The following TTLL5 variants were observed in gnomAD, a reference collection of about 807,000 sequenced individuals.
The protein encoded by TTLL5 is tubulin tyrosine ligase like 5.
In TTLL5, 132 loss-of-function variants were observed where a neutral mutation model predicts 168.4. The observed-to-expected ratio is 0.78, with a 90% CI of 0.68 to 0.91. The LOEUF (loss-of-function observed/expected upper bound fraction) is 0.91, where lower values mean the gene tolerates loss of function less well. TTLL5 is among the 40% of genes least tolerant of loss of function. TTLL5 has a pLI of 0.00. For synonymous variants in TTLL5, 546 were observed against 558.6 expected, an observed-to-expected ratio of 0.98 and a Z score of 0.32; for missense variants, 1,545 against 1,581.5, an observed-to-expected ratio of 0.98 and a Z score of 0.39.
At chr14:75,902,708 C>A (rs1475882526) in intron 31 of TTLL5, 1 of 433,348 alleles carries the variant, frequency 2.3e-6, no homozygotes, top group East Asian at 7.0e-5. Flanking sequence ...GGTCTGTGGA[C>A]AGGTTGTTAC....
At chr14:75,786,339 C>T (rs890599193) in intron 26 of TTLL5, among the ~76,000 whole-genome samples, 1 of 152,136 alleles carries the variant, frequency 6.6e-6, no homozygotes, top group African/African-American at 2.4e-5. Context: ...CCCTTTTGAT[C>T]CTTTCCAAGA....
intron 31 of TTLL5, among the ~76,000 whole-genome samples, chr14:75,936,624 A>AAT (rs1220952584): frequency 3.3e-5 from 5 of 152,216 alleles, no homozygotes; most frequent in South Asian, 4.2e-4. Context: ...TTTCTACTTT[A>AAT]ATATATATAT....
chr14:75,712,316 G>GGA (rs1887139948), intron 9 of TTLL5: 1 of 151,574 alleles, frequency 6.6e-6, no homozygotes, highest in African/African-American at 2.4e-5. Context: ...ACCTGTTGAA[G>GGA]GATAACTCAT....
At chr14:75,809,544 T>A (rs1175511499) in intron 27 of TTLL5, among the ~76,000 whole-genome samples, 2 of 152,214 alleles carry the variant, frequency 1.3e-5, no homozygotes, top group African/African-American at 4.8e-5. Flanking sequence ...TATCCGTTGC[T>A]TCAAAGATTT....
chr14:75,760,551 A>G (rs527463707), intron 18 of TTLL5, among the ~76,000 whole-genome samples: 2 of 152,196 alleles, frequency 1.3e-5, no homozygotes, highest in East Asian at 3.9e-4. Flanking sequence ...AAAAAGACTT[A>G]ACGTACTTGA....
At chr14:75,691,640 A>G (rs1885469473) in intron 6 of TTLL5, among the ~76,000 whole-genome samples, 2 of 152,194 alleles carry the variant, frequency 1.3e-5, no homozygotes, top group South Asian at 4.1e-4. Context: ...TGCAATGACC[A>G]TTCCCCAGTA....
chr14:75,848,745 A>G (rs1896687882), intron 28 of TTLL5, among the ~76,000 whole-genome samples: 1 of 152,226 alleles, frequency 6.6e-6, no homozygotes, highest in Non-Finnish European at 1.5e-5. Context: ...CCTAATAGAT[A>G]AAGGACCAGG....
chr14:75,821,597 A>G (rs1232475440), intron 28 of TTLL5, among the ~76,000 whole-genome samples: 3 of 152,208 alleles, frequency 2.0e-5, no homozygotes, highest in Admixed American at 6.5e-5. Flanking sequence ...AGCACTTTTT[A>G]TACTTGTAGA....
intron 17 of TTLL5, 43 bp from the exon 18 acceptor site, chr14:75,752,850 G>T (rs1890033361): frequency 6.3e-7 from 1 of 1,579,904 alleles, no homozygotes; most frequent in African/African-American, 1.3e-5. Flanking sequence ...TTTTCCTCTT[G>T]AACTAGCTTA....
intron 21 of TTLL5, among the ~76,000 whole-genome samples, chr14:75,772,485 C>T (rs889903811): frequency 6.6e-6 from 1 of 152,268 alleles, no homozygotes; most frequent in Middle Eastern, 3.4e-3. Flanking sequence ...GTTGTAACCT[C>T]TTAAGATTCT....
At position 75,731,374 on chromosome 14, in the gene TTLL5, T is replaced by TACACACAC. The variant is rs3031047; in HGVS notation, c.1043-922_1043-915dup. Reference sequence around the variant, plus strand: ...ATATAGCTATAAATATACACATACATACACACACACACACACACACACACA... The same window carrying TACACACAC: ...ATATAGCTATAAATATACACATACATACACACACACACACACACACACACACACACACA... On this transcript the variant is annotated intron_variant, in intron 12 of 31. Transcript: ENST00000298832. Among the ~76,000 whole-genome samples the TACACACAC allele has an allele frequency of 3.3e-3, 464 of 139,318 alleles. 4 individuals carry two copies. The highest frequency in any genetic ancestry group is 0.01 in the East Asian group (49 of 4,718). 91.4% of individuals were successfully genotyped at this position (139,318 alleles called of 152,430 possible). A position where few individuals can be genotyped will look rare whatever the true frequency, so the allele number is the denominator to read the frequency against.
chr14:75,884,034 C>T (rs2031963309), intron 30 of TTLL5, among the ~76,000 whole-genome samples: 1 of 152,202 alleles, frequency 6.6e-6, no homozygotes, highest in Non-Finnish European at 1.5e-5. Flanking sequence ...CTCCTAGCCT[C>T]AGCTTCCTCA....
chr14:75,668,310 G>C (rs1033398836), intron 2 of TTLL5, among the ~76,000 whole-genome samples: 1 of 152,156 alleles, frequency 6.6e-6, no homozygotes, highest in African/African-American at 2.4e-5. Context: ...CAGATGTTAG[G>C]TTCAAATACC....
chr14:75,710,867 C>G (rs989965260), intron 9 of TTLL5: 2 of 152,142 alleles, frequency 1.3e-5, no homozygotes, highest in Non-Finnish European at 2.9e-5. Context: ...TACGTTGAGG[C>G]TCAACAAGAA....
intron 2 of TTLL5, among the ~76,000 whole-genome samples, chr14:75,668,254 C>T (rs1448948255): frequency 1.3e-5 from 2 of 152,174 alleles, no homozygotes; most frequent in Non-Finnish European, 2.9e-5. Context: ...CCAATATATA[C>T]AACTTTGCTG....
Position 75,863,802 on chromosome 14 carries a change from A to T in TTLL5, c.3462A>T (p.Gln1154His). 5 of 1,613,528 alleles carry T rather than the reference A, an allele frequency of 3.1e-6. No individual in the cohort carries two copies. The highest frequency in any genetic ancestry group is 4.2e-6 in the Non-Finnish European group (5 of 1,179,892). Reference protein sequence around the residue: ...GSYQLQFALQQLEQQKLQSRQ... With the variant: ...GSYQLQFALQHLEQQKLQSRQ... ...ATCAGCTTCAATTTGCCCTGCAGCAACTTGAACAACAAAAACTTCAGTCCC... is the reference window on the plus strand; with the variant it reads ...ATCAGCTTCAATTTGCCCTGCAGCATCTTGAACAACAAAAACTTCAGTCCC... Residue 1154 changes from glutamine (Q) to histidine (H), a missense_variant, in exon 29 of 32, where the codon CAA becomes CAT. Transcript: ENST00000298832.
chr14:75,869,948 T>A (rs1477912467), intron 29 of TTLL5, among the ~76,000 whole-genome samples: 1 of 150,742 alleles, frequency 6.6e-6, no homozygotes, highest in African/African-American at 2.4e-5. Context: ...GCCTCCTGAG[T>A]AGCTGGGACT....
At chr14:75,871,096 A>G (rs1412882667) in intron 29 of TTLL5, among the ~76,000 whole-genome samples, 2 of 152,086 alleles carry the variant, frequency 1.3e-5, no homozygotes, top group Non-Finnish European at 2.9e-5. Context: ...CGCCCGGCCT[A>G]TGCTTGCTTT....
At chr14:75,900,132 T>G (rs146191351) in intron 30 of TTLL5, among the ~76,000 whole-genome samples, 107 of 152,244 alleles carry the variant, frequency 7.0e-4, no homozygotes, top group African/African-American at 2.3e-3. Flanking sequence ...CATCTACAGA[T>G]GCTTTGGGAG....
Sources: allele counts gnomAD v4.1 joint callset (sites outside exome capture counted in the v4.1 genomes callset), GRCh38; gene constraint gnomAD v4.1.1; transcripts MANE v1.5; gene names NCBI Gene and HGNC (gene_info 2026-07-23, HGNC 2026-07-21).